The following ABCG2 variants were observed in gnomAD, a reference collection of about 807,000 sequenced individuals.
The protein encoded by ABCG2 is ATP binding cassette subfamily G member 2 (JR blood group), also known as broad substrate specificity ATP-binding cassette transporter ABCG2.
ABCG2 carries 80 observed loss-of-function variants against 73.5 expected under a neutral mutation model. That is an observed-to-expected ratio of 1.09 (90% CI 0.91 to 1.31). ABCG2 has a LOEUF of 1.31. Ranked by LOEUF, ABCG2 falls within the 50% of genes most tolerant of loss-of-function variation. ABCG2 has a pLI of 0.00. For synonymous variants in ABCG2, 269 were observed against 282.4 expected (o/e 0.95, Z 0.48); for missense variants, 796 against 786.2 (o/e 1.01, Z -0.15).
intron 11 of ABCG2, among the ~76,000 whole-genome samples, chr4:88,100,864 C>G (rs1297487187): frequency 6.6e-6 from 1 of 152,086 alleles, no homozygotes; most frequent in Non-Finnish European, 1.5e-5. Context: ...TCAGTATTTA[C>G]TAAAAACAAA....
rs57417105 is a variant in ABCG2 at position 88,181,398 on chromosome 4, CAAAAA to C, written c.-19-41389_-19-41385del. ...CTGGTGACAGAGCAAGACTCCATCT[CAAAAA>C]AAAAAAAAAAAAAAAAAAAAGAATG... On this transcript the variant is annotated intron_variant, in intron 1 of 15. Coordinates refer to the ABCG2 transcript ENST00000515655. Among the ~76,000 whole-genome samples the C allele has an allele frequency of 4.0e-4, 39 of 96,882 alleles. 1 individual carries two copies. Among genetic ancestry groups the C allele is most frequent in the African/African-American group, 1.5e-3 (31 of 20,394 alleles). 63.6% of individuals were successfully genotyped at this position (96,882 alleles called of 152,430 possible). A position where few individuals can be genotyped will look rare whatever the true frequency, so the allele number is the denominator to read the frequency against.
chr4:88,181,256 C>T (rs185710359), intron 1 of ABCG2, among the ~76,000 whole-genome samples: 13 of 151,820 alleles, frequency 8.6e-5, no homozygotes, highest in Admixed American at 1.3e-4. Context: ...AAAAACTAGA[C>T]GAGCATGGTG....
At chr4:88,120,050 T>C (rs926074039) in intron 6 of ABCG2, among the ~76,000 whole-genome samples, 2 of 152,182 alleles carry the variant, frequency 1.3e-5, no homozygotes, top group African/African-American at 2.4e-5. Flanking sequence ...AATGGTTTCC[T>C]AGGCCAGGCC....
rs181497945 is a variant in ABCG2, at chr4:88,193,530, T to C, written c.-20+37464A>G. 5.6e-4 allele frequency among the ~76,000 whole-genome samples: 85 copies of C among 152,230 alleles called. 1 individual carries two copies. The highest frequency in any genetic ancestry group is 9.3e-4 in the Non-Finnish European group (63 of 68,020). On this transcript the variant is annotated intron_variant, in intron 1 of 15. Transcript: ENST00000515655. ...TTATTATTTTTATATATTATGGTTA[T>C]GTAATTAATTTTTAAGAGGTTTCTG...
chr4:88,199,621 G>C (rs979543538), intron 1 of ABCG2, among the ~76,000 whole-genome samples: 6 of 152,312 alleles, frequency 3.9e-5, no homozygotes, highest in Middle Eastern at 3.4e-3. Context: ...ATTTAAAGAA[G>C]AAATAGACTT....
intron 1 of ABCG2, among the ~76,000 whole-genome samples, chr4:88,151,880 T>C (rs1007316874): frequency 1.3e-5 from 2 of 152,180 alleles, no homozygotes; most frequent in Non-Finnish European, 2.9e-5. Context: ...GTGTGTGTAC[T>C]CCAAAATCAT....
chr4:88,177,727 A>G (rs947061599), intron 1 of ABCG2, among the ~76,000 whole-genome samples: 1 of 152,146 alleles, frequency 6.6e-6, no homozygotes, highest in Non-Finnish European at 1.5e-5. Context: ...CTCTCTCGGC[A>G]GTGGCCACAT....
At chr4:88,140,880 G>A (rs1034834012) in intron 1 of ABCG2, among the ~76,000 whole-genome samples, 7 of 151,870 alleles carry the variant, frequency 4.6e-5, no homozygotes, top group South Asian at 2.1e-4. Context: ...AGTTAGGTAC[G>A]AAAATCATTA....
At chr4:88,156,999 G>A (rs1383642135) in intron 1 of ABCG2, among the ~76,000 whole-genome samples, 1 of 152,188 alleles carries the variant, frequency 6.6e-6, no homozygotes, top group South Asian at 2.1e-4. Context: ...CTACTCAGGA[G>A]GCTGAGGCAG....
intron 11 of ABCG2, among the ~76,000 whole-genome samples, chr4:88,100,771 C>T (rs45443398): frequency 0.026 from 3,938 of 152,294 alleles, 144 homozygotes; most frequent in African/African-American, 0.073. Flanking sequence ...AGCATGGTCA[C>T]GTTCTTTGTC....
At chr4:88,170,900 G>A (rs963462427) in intron 1 of ABCG2, among the ~76,000 whole-genome samples, 1 of 152,220 alleles carries the variant, frequency 6.6e-6, no homozygotes, top group Non-Finnish European at 1.5e-5. Context: ...TATATACCAT[G>A]AGGGTGTAAG....
chr4:88,217,475 A>G (rs1006758111), intron 1 of ABCG2, among the ~76,000 whole-genome samples: 7 of 152,204 alleles, frequency 4.6e-5, no homozygotes, highest in Admixed American at 4.6e-4. Flanking sequence ...AGCCTGGCCA[A>G]TATGGCGAAA....
intron 2 of ABCG2, among the ~76,000 whole-genome samples, chr4:88,137,687 A>C (rs1407175373): frequency 6.6e-6 from 1 of 152,130 alleles, no homozygotes; most frequent in Non-Finnish European, 1.5e-5. Context: ...TTTTTCAAGA[A>C]CACACACAAA....
At position 88,131,882 on chromosome 4, in the gene ABCG2, C is replaced by T. The variant is rs775730528; in HGVS notation, c.299G>A (p.Ser100Asn). ...LDVLAARKDP[S>N]GLSGDVLING... ...TATCAGAACATCTCCAGATAATCCACTTGGATCTTTCCTTGCAGCTAAGAC... is the reference window on the plus strand; with the variant it reads ...TATCAGAACATCTCCAGATAATCCATTTGGATCTTTCCTTGCAGCTAAGAC... The change falls in exon 4 of 16, where the codon AGT becomes AAT. Residue 100 changes from serine (S) to asparagine (N), a missense_variant. Ser to Asn is a conservative substitution (Grantham distance 46, BLOSUM62 1). Transcript: ENST00000237612. 5 of 1,613,992 alleles carry T rather than the reference C, an allele frequency of 3.1e-6. No individual in the cohort carries two copies. The Admixed American group carries it at 5.0e-5, about 16-fold the overall frequency.
chr4:88,095,921 A>C (rs1721954895), intron 13 of ABCG2, among the ~76,000 whole-genome samples: 1 of 152,240 alleles, frequency 6.6e-6, no homozygotes, highest in Non-Finnish European at 1.5e-5. Context: ...AACTGCAAAT[A>C]ATGGAAGGTC....
chr4:88,187,373 G>A (rs955005854), intron 1 of ABCG2, among the ~76,000 whole-genome samples: 57 of 152,106 alleles, frequency 3.7e-4, no homozygotes, highest in African/African-American at 1.2e-3. Flanking sequence ...AGCACTTTGG[G>A]AGGCCGAGGT....
At chr4:88,216,779 C>G (rs1729829920) in intron 1 of ABCG2, among the ~76,000 whole-genome samples, 1 of 152,118 alleles carries the variant, frequency 6.6e-6, no homozygotes. Flanking sequence ...CCTGTAATTC[C>G]AGCACTTTGG....
intron 2 of ABCG2, among the ~76,000 whole-genome samples, chr4:88,136,166 G>A (rs928152761): frequency 2.6e-5 from 4 of 152,058 alleles, no homozygotes; most frequent in African/African-American, 9.7e-5. Flanking sequence ...CTCTTCTCCC[G>A]CCCGCTTTGG....
chr4:88,094,025 A>T (rs1258588391), intron 15 of ABCG2, among the ~76,000 whole-genome samples: 6 of 152,214 alleles, frequency 3.9e-5, no homozygotes, highest in Admixed American at 3.9e-4. Context: ...ACACATGACT[A>T]TGCGGCCTTT....
Sources: gnomAD v4.1 joint callset for allele counts (sites outside exome capture counted in the v4.1 genomes callset) on GRCh38, gnomAD v4.1.1 for gene constraint, MANE v1.5 for transcripts, NCBI Gene and HGNC (gene_info 2026-07-23, HGNC 2026-07-21) for gene names.